Variants in KCNH7 observed in about 807,000 individuals in gnomAD.
The protein encoded by KCNH7 is potassium voltage-gated channel subfamily H member 7, also known as voltage-gated inwardly rectifying potassium channel KCNH7.
A neutral mutation model predicts 120.8 loss-of-function variants in KCNH7; 49 were observed. The ratio of observed to expected loss-of-function variants is 0.41; its 90% CI spans 0.32 to 0.51. The LOEUF (loss-of-function observed/expected upper bound fraction) is 0.51. KCNH7 is among the 20% of genes least tolerant of loss of function. KCNH7 has a pLI of 0.38. For synonymous variants in KCNH7, 547 were observed against 516.1 expected, an observed-to-expected ratio of 1.06 and a Z score of -0.81; for missense variants, 1,097 against 1,446.6, an observed-to-expected ratio of 0.76 and a Z score of 3.92.
In KCNH7 at chr2:162,701,485, AT is replaced by A. The variant is rs1474642893; in HGVS notation, c.307+135051del. 1.8e-4 allele frequency among the ~76,000 whole-genome samples: 27 copies of A among 152,252 alleles called. 1 individual carries two copies. In the East Asian group the frequency reaches 5.0e-3, roughly 28 times the overall value. ...ATAGTATTTCTCTCCTTTGAAAATA[AT>A]TTTACTTACTATTTTCAGTTCCAAG... On this transcript the variant is annotated intron_variant, in intron 2 of 15. Transcript: ENST00000332142.
intron 2 of KCNH7, among the ~76,000 whole-genome samples, chr2:162,641,804 T>C (rs139253247): frequency 0.023 from 3,447 of 152,290 alleles, 284 homozygotes; most frequent in Admixed American, 0.17. Context: ...TTGCAAAATG[T>C]TATCATTGGT....
intron 2 of KCNH7, among the ~76,000 whole-genome samples, chr2:162,716,109 C>T (rs958116727): frequency 9.2e-5 from 14 of 152,192 alleles, no homozygotes; most frequent in Middle Eastern, 6.8e-3. Context: ...GAATGTCTAT[C>T]TATATAAAAT....
chr2:162,550,564 A>AT (rs78062038), intron 2 of KCNH7, among the ~76,000 whole-genome samples: 15,431 of 152,074 alleles, frequency 0.1, 921 homozygotes, highest in East Asian at 0.21. Context: ...ATAGTCATTC[A>AT]TTCTGCTGCT....
At position 162,446,359 on chromosome 2, in the gene KCNH7, G is replaced by T. The variant is rs1244040975; in HGVS notation, c.1213C>A (p.Pro405Thr). Reference protein sequence around the residue: ...INKFTILHYSPFKAVWDWLIL... With the variant: ...INKFTILHYSTFKAVWDWLIL... Reference sequence around the variant, plus strand: ...AGCCAGTCCCAGACTGCCTTGAAAGGGCTGTAGTGCAATATCGTAAACTTG... The same window carrying T: ...AGCCAGTCCCAGACTGCCTTGAAAGTGCTGTAGTGCAATATCGTAAACTTG... Residue 405 changes from proline (P) to threonine (T), a missense_variant, in exon 7 of 16, where the codon CCT becomes ACT. Pro to Thr is a conservative substitution (Grantham distance 38). This residue lies in a region of KCNH7 where 109 missense variants were observed against 196.8 expected (regional missense o/e 0.55). Coordinates refer to ENST00000332142, the MANE Select transcript of KCNH7 (RefSeq NM_033272.4). 1.2e-6 allele frequency: 2 copies of T among 1,613,756 alleles called. No homozygotes were observed. The highest frequency in any genetic ancestry group is 3.3e-5 in the Admixed American group (2 of 59,952).
intron 2 of KCNH7, among the ~76,000 whole-genome samples, chr2:162,804,745 G>A (rs530893927): frequency 7.1e-6 from 1 of 141,510 alleles, no homozygotes; most frequent in African/African-American, 2.5e-5. Context: ...TAGAAGAAAA[G>A]CCTTAAAATT....
At chr2:162,434,769 G>C (rs1254436477) in intron 8 of KCNH7, among the ~76,000 whole-genome samples, 1 of 151,626 alleles carries the variant, frequency 6.6e-6, no homozygotes, top group Non-Finnish European at 1.5e-5. Context: ...CAGAATAATT[G>C]TTGTAATGAT....
In KCNH7 at chr2:162,595,871, C is replaced by T. The variant is rs150076005; in HGVS notation, c.308-58791G>A. 2.1e-3 allele frequency among the ~76,000 whole-genome samples: 312 copies of T among 150,972 alleles called. 2 individuals carry two copies. Among genetic ancestry groups the T allele is most frequent in the African/African-American group, 7.0e-3 (287 of 41,204 alleles). On this transcript the variant is annotated intron_variant, in intron 2 of 15. Coordinates refer to ENST00000332142, the MANE Select transcript of KCNH7 (RefSeq NM_033272.4). ...CAGCGAAATAAATTGAGTAAAATCA[C>T]GGGTTACAAAATCAATAAATCAATA...
chr2:162,667,592 C>T (rs994521), intron 2 of KCNH7, among the ~76,000 whole-genome samples: 25,407 of 152,100 alleles, frequency 0.17, 2,462 homozygotes, highest in East Asian at 0.46. Context: ...ACTTTTGCAA[C>T]TGCTATTCCT....
intron 2 of KCNH7, among the ~76,000 whole-genome samples, chr2:162,827,845 C>T (rs1685340674): frequency 1.3e-5 from 2 of 152,102 alleles, no homozygotes; most frequent in Non-Finnish European, 1.5e-5. Flanking sequence ...ATAACGTCTG[C>T]TCCCAAAGCT....
intron 2 of KCNH7, among the ~76,000 whole-genome samples, chr2:162,733,297 C>T (rs1687790765): frequency 6.6e-6 from 1 of 152,186 alleles, no homozygotes; most frequent in African/African-American, 2.4e-5. Flanking sequence ...TACTTTAGCC[C>T]ATGTAGATTA....
At chr2:162,652,490 C>T (rs943025793) in intron 2 of KCNH7, among the ~76,000 whole-genome samples, 2 of 152,154 alleles carry the variant, frequency 1.3e-5, no homozygotes, top group African/African-American at 2.4e-5. Flanking sequence ...CTCAGATCAT[C>T]TCAGATCATT....
intron 2 of KCNH7, among the ~76,000 whole-genome samples, chr2:162,777,567 A>G (rs1320363591): frequency 1.3e-5 from 2 of 152,150 alleles, no homozygotes; most frequent in Non-Finnish European, 2.9e-5. Flanking sequence ...TATGTTGAGC[A>G]TCTCCTATAT....
intron 2 of KCNH7, among the ~76,000 whole-genome samples, chr2:162,696,919 G>A (rs1388814260): frequency 6.6e-6 from 1 of 152,126 alleles, no homozygotes; most frequent in Non-Finnish European, 1.5e-5. Flanking sequence ...GTCTTTGGAT[G>A]ATGACAGGAA....
intron 12 of KCNH7, among the ~76,000 whole-genome samples, chr2:162,391,889 C>T (rs1445894478): frequency 2.0e-5 from 3 of 151,902 alleles, no homozygotes. Flanking sequence ...GGAAGAACAG[C>T]TTAATAGTAG....
intron 2 of KCNH7, among the ~76,000 whole-genome samples, chr2:162,545,881 T>C (rs1692460373): frequency 6.6e-6 from 1 of 152,196 alleles, no homozygotes; most frequent in African/African-American, 2.4e-5. Flanking sequence ...AATATGGATA[T>C]ATGTGAATTT....
intron 2 of KCNH7, among the ~76,000 whole-genome samples, chr2:162,744,442 C>G (rs1256090441): frequency 6.6e-6 from 1 of 152,056 alleles, no homozygotes; most frequent in Non-Finnish European, 1.5e-5. Context: ...TAAGTTCTCC[C>G]CAGGTAAACA....
chr2:162,399,036 A>C (rs1224518177), intron 10 of KCNH7, among the ~76,000 whole-genome samples: 1 of 151,938 alleles, frequency 6.6e-6, no homozygotes, highest in Admixed American at 6.6e-5. Context: ...GAAAACAGAC[A>C]ACATCCCTGT....
chr2:162,532,027 A>G (rs888633269), intron 3 of KCNH7, among the ~76,000 whole-genome samples: 1 of 151,948 alleles, frequency 6.6e-6, no homozygotes, highest in Non-Finnish European at 1.5e-5. Flanking sequence ...ATAATGACAG[A>G]TATCTAAATT....
In KCNH7 at chr2:162,380,431, A is replaced by C. The variant is rs912242503; in HGVS notation, c.2963-410T>G. ...TAAGATTTTTAGGGCTCTTTCCCAC[A>C]GGATAACTTGCATACGTTATGACTT... is the stretch of plus-strand genomic sequence containing the variant. On this transcript the variant is annotated intron_variant, in intron 13 of 15. Transcript: ENST00000332142. Among the ~76,000 whole-genome samples the C allele has an allele frequency of 2.6e-5, 4 of 152,132 alleles. No individual in the cohort carries two copies. In the South Asian group the frequency reaches 8.3e-4, roughly 32 times the overall value.
Sources: gnomAD v4.1 joint callset for allele counts (sites outside exome capture counted in the v4.1 genomes callset) on GRCh38, gnomAD v4.1.1 for gene constraint, gnomAD v4.1.1 regional missense constraint, MANE v1.5 for transcripts, NCBI Gene and HGNC (gene_info 2026-07-23, HGNC 2026-07-21) for gene names.